Variants in GADL1 observed in about 807,000 individuals in gnomAD.
The protein encoded by GADL1 is acidic amino acid decarboxylase GADL1.
In GADL1, 71 loss-of-function variants were observed where a neutral mutation model predicts 69.5. The observed-to-expected ratio is 1.02, with a 90% CI of 0.84 to 1.25. The LOEUF (loss-of-function observed/expected upper bound fraction) is 1.25. GADL1 is among the 50% of genes most tolerant of loss of function. The pLI is 0.00. For synonymous variants in GADL1, 254 were observed against 214.4 expected, an observed-to-expected ratio of 1.18 and a Z score of -1.62; for missense variants, 737 against 631.8, an observed-to-expected ratio of 1.17 and a Z score of -1.79.
chr3:30,744,725 G>A (rs1027921924), intron 14 of GADL1, among the ~76,000 whole-genome samples: 1 of 152,032 alleles, frequency 6.6e-6, no homozygotes, highest in African/African-American at 2.4e-5. Context: ...AAAAAGAAAA[G>A]AAAAAGCTAC....
intron 14 of GADL1, among the ~76,000 whole-genome samples, chr3:30,740,916 T>C (rs1205375856): frequency 1.4e-5 from 2 of 141,710 alleles, no homozygotes; most frequent in Non-Finnish European, 3.0e-5. Flanking sequence ...ATATCTAATA[T>C]ATAAAAAACA....
intron 6 of GADL1, among the ~76,000 whole-genome samples, chr3:30,849,033 T>C (rs1026332072): frequency 2.0e-5 from 3 of 152,114 alleles, no homozygotes; most frequent in African/African-American, 7.2e-5. Flanking sequence ...CAATGGCCAG[T>C]TCTGAGGCTA....
At chr3:30,863,923 A>AT (rs1367152457) in intron 1 of GADL1, among the ~76,000 whole-genome samples, 1 of 152,042 alleles carries the variant, frequency 6.6e-6, no homozygotes, top group African/African-American at 2.4e-5. Flanking sequence ...TTACAGGAAG[A>AT]TCCCCCAGTT....
At position 30,727,761 on chromosome 3, in the gene GADL1, T is replaced by C. The variant is rs2125466865; in HGVS notation, c.*481A>G. 6.6e-6 allele frequency: 1 copy of C among 152,446 alleles called. No homozygotes were observed. The highest frequency in any genetic ancestry group is 1.9e-4 in the East Asian group (1 of 5,172). The allele number at this position is 152,446 out of a possible 1,614,324, so 9.4% of individuals were successfully genotyped here. On this transcript the variant is annotated 3_prime_UTR_variant, in exon 15 of 15. Transcript: ENST00000282538. ...CATCAGAATTCCCTGACGGGCTTGTTAAAACACAGAATACTGGGCCTCACC... is the reference window on the plus strand; with the variant it reads ...CATCAGAATTCCCTGACGGGCTTGTCAAAACACAGAATACTGGGCCTCACC...
At position 30,730,549 on chromosome 3, in the gene GADL1, G is replaced by A. The variant is rs1695440549; in HGVS notation, c.1393-2134C>T. 2.0e-5 allele frequency among the ~76,000 whole-genome samples: 3 copies of A among 152,126 alleles called. No individual in the cohort carries two copies. In the South Asian group the frequency reaches 6.2e-4, roughly 32 times the overall value. On this transcript the variant is annotated intron_variant, in intron 14 of 14. Coordinates refer to ENST00000282538, the MANE Select transcript of GADL1 (RefSeq NM_207359.3). ...TGTAGTTTATGCAAGAACAGTGGAG[G>A]GCCCTCTCATCATCAGACCTCTACT...
chr3:30,733,773 C>A (rs150242432), intron 14 of GADL1, among the ~76,000 whole-genome samples: 1 of 152,212 alleles, frequency 6.6e-6, no homozygotes, highest in Non-Finnish European at 1.5e-5. Flanking sequence ...CGGATCAAGG[C>A]AGGGGCCAGA....
chr3:30,749,546 C>G (rs145689886), intron 14 of GADL1, among the ~76,000 whole-genome samples: 2 of 152,356 alleles, frequency 1.3e-5, no homozygotes, highest in East Asian at 3.9e-4. Context: ...GAAGCCAGCA[C>G]TTTAGACTAA....
At position 30,860,762 on chromosome 3, in the gene GADL1, G is replaced by A. The variant is rs190300379; in HGVS notation, c.210+831C>T. 1.5e-3 allele frequency among the ~76,000 whole-genome samples: 232 copies of A among 151,986 alleles called. 1 individual carries two copies. Among genetic ancestry groups the A allele is most frequent in the African/African-American group, 5.3e-3 (222 of 41,500 alleles). ...AAACCAATGTGATAAAGGTTGATTC[G>A]GTAATTTTAAGAGGCATATGGAATA... On this transcript the variant is annotated intron_variant, in intron 2 of 14. Transcript: ENST00000282538.
At chr3:30,892,807 C>T in intron 1 of GADL1, among the ~76,000 whole-genome samples, 1 of 152,258 alleles carries the variant, frequency 6.6e-6, no homozygotes, top group South Asian at 2.1e-4. Flanking sequence ...ATTAGGATTC[C>T]TAAATAATCT....
At position 30,864,364 on chromosome 3, in the gene GADL1, C is replaced by T. The variant is rs547135262; in HGVS notation, c.38-2599G>A. On this transcript the variant is annotated intron_variant, in intron 1 of 14. Transcript: ENST00000282538. ...TCTTTCTCTTTCTCTCACCCCGTTC[C>T]GTGTGTGTGTGTGTCACACACATAC... Among the ~76,000 whole-genome samples the T allele has an allele frequency of 1.5e-4, 22 of 150,748 alleles. No homozygotes were observed. The East Asian group carries it at 2.2e-3, about 15-fold the overall frequency.
intron 14 of GADL1, among the ~76,000 whole-genome samples, chr3:30,755,112 A>G (rs555472831): frequency 6.6e-6 from 1 of 150,704 alleles, no homozygotes; most frequent in South Asian, 2.1e-4. Context: ...AAAATTAGCC[A>G]GTTAAAGCTG....
intron 1 of GADL1, among the ~76,000 whole-genome samples, chr3:30,870,921 G>A (rs1698470475): frequency 6.6e-6 from 1 of 151,676 alleles, no homozygotes; most frequent in African/African-American, 2.4e-5. Flanking sequence ...CAAATGTGTG[G>A]CTGGGACATA....
rs992454366 is a variant in GADL1, at chr3:30,756,043, A to G, written c.1392+22136T>C. Among the ~76,000 whole-genome samples, 24 of 152,096 alleles carry G rather than the reference A, an allele frequency of 1.6e-4. 1 individual carries two copies. Among genetic ancestry groups the G allele is most frequent in the Non-Finnish European group, 1.5e-5 (1 of 68,038 alleles). On this transcript the variant is annotated intron_variant, in intron 14 of 14. Transcript: ENST00000282538. ...CGCAGGAGAAACCTTGGGACTGTGC[A>G]GGAGACCTAGGGCTGTGCAGGAGGA...
At chr3:30,838,883 C>A in intron 9 of GADL1, 114 bp downstream of exon 9, 3 of 609,124 alleles carry the variant, frequency 4.9e-6, no homozygotes, top group Non-Finnish European at 8.8e-6. Context: ...CAATTTGAGA[C>A]ACAAACAAAA....
chr3:30,783,961 G>GT (rs1696732408), intron 13 of GADL1, among the ~76,000 whole-genome samples: 1 of 152,014 alleles, frequency 6.6e-6, no homozygotes, highest in African/African-American at 2.4e-5. Context: ...CAGTTTCAAG[G>GT]TGTATAGGAC....
intron 14 of GADL1, among the ~76,000 whole-genome samples, chr3:30,738,326 T>C (rs1321222952): frequency 1.3e-5 from 2 of 152,190 alleles, no homozygotes; most frequent in Non-Finnish European, 2.9e-5. Context: ...AGTTAGTGTC[T>C]CATGGTTAAG....
intron 1 of GADL1, among the ~76,000 whole-genome samples, chr3:30,871,866 A>G (rs551937820): frequency 2.6e-5 from 4 of 152,034 alleles, no homozygotes; most frequent in African/African-American, 7.2e-5. Context: ...TAGCCAATAA[A>G]TACATAGTAC....
intron 1 of GADL1, among the ~76,000 whole-genome samples, chr3:30,894,048 G>T (rs1206054434): frequency 6.6e-6 from 1 of 152,192 alleles, no homozygotes; most frequent in African/African-American, 2.4e-5. Context: ...CAGTTTGGAG[G>T]AATTCTGCTG....
intron 13 of GADL1, among the ~76,000 whole-genome samples, chr3:30,785,897 A>C (rs1421849873): frequency 6.6e-6 from 1 of 152,234 alleles, no homozygotes; most frequent in Non-Finnish European, 1.5e-5. Flanking sequence ...TCTTACACAT[A>C]GCAAACAATC....
Sources: allele counts gnomAD v4.1 joint callset (sites outside exome capture counted in the v4.1 genomes callset), GRCh38; gene constraint gnomAD v4.1.1; transcripts MANE v1.5; gene names NCBI Gene and HGNC (gene_info 2026-07-23, HGNC 2026-07-21).